The following ZNF407 variants were observed in gnomAD, a reference collection of about 807,000 sequenced individuals.
ZNF407 encodes zinc finger protein 407.
In ZNF407, 17 loss-of-function variants were observed where a neutral mutation model predicts 131.2. The observed-to-expected ratio is 0.13, with a 90% CI of 0.09 to 0.19. The LOEUF (loss-of-function observed/expected upper bound fraction) is 0.19. Among genes scored for constraint, ZNF407 ranks in the 10% least tolerant of loss-of-function variants. The pLI is 1.00. For missense variants in ZNF407, 2,681 were observed against 2,830.6 expected (o/e 0.95, Z 1.20); for synonymous variants, 1,156 against 1,062.0 (o/e 1.09, Z -1.72).
chr18:74,791,972 G>A (rs910919159), intron 4 of ZNF407, among the ~76,000 whole-genome samples: 12 of 152,116 alleles, frequency 7.9e-5, no homozygotes, highest in Non-Finnish European at 1.5e-4. Context: ...AGTATTGCAC[G>A]TCGCATAGTT....
At chr18:74,834,044 A>G (rs764228046) in intron 4 of ZNF407, among the ~76,000 whole-genome samples, 6 of 152,256 alleles carry the variant, frequency 3.9e-5, no homozygotes, top group Non-Finnish European at 7.3e-5. Context: ...CTAACTTTGC[A>G]TAGAATTAAA....
chr18:74,669,279 T>A (rs940608362), intron 3 of ZNF407, among the ~76,000 whole-genome samples: 5 of 152,238 alleles, frequency 3.3e-5, no homozygotes, highest in Non-Finnish European at 5.9e-5. Context: ...CTCGGCTTTC[T>A]GACCAGGGGC....
In ZNF407 at chr18:75,057,169, A is replaced by G. The variant is rs12326203; in HGVS notation, c.5429-5981A>G. On this transcript the variant is annotated intron_variant, in intron 8 of 8. Coordinates refer to ENST00000299687, the MANE Select transcript of ZNF407 (RefSeq NM_017757.3). The stretch of plus-strand genomic sequence containing the variant: ...AAATCTAAAGTACATCCAGTGTCTG[A>G]GATGTAACCTAGCAATGTATCAACA... Among the ~76,000 whole-genome samples the G allele has an allele frequency of 2.0e-3, 301 of 152,332 alleles. 2 individuals are homozygous for G. Among genetic ancestry groups the G allele is most frequent in the African/African-American group, 6.9e-3 (288 of 41,572 alleles).
intron 7 of ZNF407, among the ~76,000 whole-genome samples, chr18:74,915,002 T>G (rs959709899): frequency 6.6e-6 from 1 of 152,228 alleles, no homozygotes; most frequent in African/African-American, 2.4e-5. Flanking sequence ...AGTATACATG[T>G]AACCCTTTGC....
At chr18:74,889,335 A>G (rs1217539269) in intron 6 of ZNF407, among the ~76,000 whole-genome samples, 1 of 152,112 alleles carries the variant, frequency 6.6e-6, no homozygotes, top group Non-Finnish European at 1.5e-5. Flanking sequence ...TATCTGTTAT[A>G]TCTACACAGG....
chr18:74,727,909 G>C (rs1968197281), intron 3 of ZNF407, among the ~76,000 whole-genome samples: 1 of 152,158 alleles, frequency 6.6e-6, no homozygotes, highest in Non-Finnish European at 1.5e-5. Flanking sequence ...TATCTAGGCT[G>C]GATTCGGACA....
intron 8 of ZNF407, among the ~76,000 whole-genome samples, chr18:74,943,283 T>A (rs1209517450): frequency 6.6e-6 from 1 of 152,230 alleles, no homozygotes; most frequent in Admixed American, 6.5e-5. Flanking sequence ...TTCCTGAGAA[T>A]TCTGATTCTT....
intron 1 of ZNF407, among the ~76,000 whole-genome samples, chr18:74,618,214 G>A (rs964224198): frequency 0.11 from 16,323 of 151,960 alleles, 987 homozygotes; most frequent in Non-Finnish European, 0.14. Flanking sequence ...ACTTTCTGCC[G>A]TAAGATGCTC....
At chr18:74,974,660 A>G (rs1972508788) in intron 8 of ZNF407, among the ~76,000 whole-genome samples, 1 of 152,160 alleles carries the variant, frequency 6.6e-6, no homozygotes, top group Admixed American at 6.5e-5. Context: ...AAAATTCTGT[A>G]AATTGTTTAG....
chr18:75,011,913 GA>G (rs1972978532), intron 8 of ZNF407, among the ~76,000 whole-genome samples: 1 of 152,082 alleles, frequency 6.6e-6, no homozygotes, highest in African/African-American at 2.4e-5. Flanking sequence ...TGTTTAGGAA[GA>G]TTTTTTTAAT....
intron 3 of ZNF407, among the ~76,000 whole-genome samples, chr18:74,698,168 C>G (rs1473273344): frequency 6.6e-6 from 1 of 152,156 alleles, no homozygotes; most frequent in Non-Finnish European, 1.5e-5. Context: ...AAATCATAAT[C>G]CTGACAGTTA....
chr18:75,011,345 C>T (rs1025578440), intron 8 of ZNF407, among the ~76,000 whole-genome samples: 2 of 152,112 alleles, frequency 1.3e-5, no homozygotes, highest in African/African-American at 4.8e-5. Context: ...ACATTTAATT[C>T]TGTAGTTTGC....
At chr18:74,793,979 G>A (rs1376155607) in intron 4 of ZNF407, among the ~76,000 whole-genome samples, 2 of 152,192 alleles carry the variant, frequency 1.3e-5, no homozygotes, top group Admixed American at 6.5e-5. Flanking sequence ...AGCTCCCGCC[G>A]TCTGAGAAAG....
intron 3 of ZNF407, among the ~76,000 whole-genome samples, chr18:74,668,396 A>T (rs1363009683): frequency 6.6e-6 from 1 of 152,214 alleles, no homozygotes; most frequent in East Asian, 1.9e-4. Flanking sequence ...CTCAGCTTGT[A>T]CTAAAAAATA....
chr18:74,907,116 T>C (rs974424466), intron 7 of ZNF407, among the ~76,000 whole-genome samples: 2 of 152,238 alleles, frequency 1.3e-5, no homozygotes, highest in African/African-American at 2.4e-5. Flanking sequence ...AACTTAATAA[T>C]GTATCCTATT....
intron 3 of ZNF407, among the ~76,000 whole-genome samples, chr18:74,714,440 G>A (rs1234165618): frequency 2.0e-5 from 3 of 152,192 alleles, no homozygotes; most frequent in Non-Finnish European, 2.9e-5. Flanking sequence ...GCAGATCACT[G>A]TCATTTTTGC....
chr18:75,063,352 C>T lies in ZNF407; in HGVS notation c.5631C>T (p.Ala1877=), dbSNP rs778815168. The T allele has an allele frequency of 2.5e-5, 41 of 1,612,610 alleles. No individual in the cohort carries two copies. Among genetic ancestry groups the T allele is most frequent in the Admixed American group, 3.3e-5 (2 of 59,946 alleles). Residue 1877 remains alanine, a synonymous_variant, in exon 9 of 9, where the codon GCC becomes GCT. Coordinates refer to ENST00000299687, the MANE Select transcript of ZNF407 (RefSeq NM_017757.3). The surrounding 1 kb of genome is among the most constrained non-coding windows in gnomAD (Gnocchi z 6.6). ...TCCAGGGCTACGACGGGGAGTTTGC[C>T]CTGGACCCCTCGGTGGAGGAGACGG... ...IIFQGYDGEF[A]LDPSVEETAA... is the part of the protein sequence containing the mutation.
At chr18:74,865,109 C>T (rs1460388385) in intron 4 of ZNF407, among the ~76,000 whole-genome samples, 1 of 152,208 alleles carries the variant, frequency 6.6e-6, no homozygotes, top group Admixed American at 6.5e-5. Context: ...TCACCACTCA[C>T]CTGGGACTCT....
At chr18:74,986,641 A>G (rs966913640) in intron 8 of ZNF407, among the ~76,000 whole-genome samples, 19 of 152,074 alleles carry the variant, frequency 1.2e-4, no homozygotes, top group Non-Finnish European at 1.9e-4. Flanking sequence ...AACATCTCCA[A>G]TTTTTTCCCT....
Sources: gnomAD v4.1 joint callset for allele counts (sites outside exome capture counted in the v4.1 genomes callset) on GRCh38, gnomAD v4.1.1 for gene constraint, Gnocchi (gnomAD v3.1) non-coding constraint, MANE v1.5 for transcripts, NCBI Gene and HGNC (gene_info 2026-07-23, HGNC 2026-07-21) for gene names.